Variants in FAAH2 observed in about 807,000 individuals in gnomAD.
FAAH2 encodes fatty acid amide hydrolase 2.
Under a neutral mutation model 36.9 loss-of-function variants are expected in FAAH2, and 60 were observed. The observed-to-expected ratio is 1.63, with a 90% confidence interval of 1.32 to 2.02. The LOEUF is 2.02. Among genes scored for constraint, FAAH2 ranks in the 30% most tolerant of loss-of-function variants. FAAH2 has a pLI of 0.00. For missense variants in FAAH2, 689 were observed against 397.5 expected (o/e 1.73, Z -6.23); for synonymous variants, 214 against 143.8 (o/e 1.49, Z -3.49).
intron 5 of FAAH2, among the ~76,000 whole-genome samples, chrX:57,353,117 C>A (rs992279641): frequency 9.1e-6 from 1 of 109,421 alleles, no homozygotes; most frequent in Non-Finnish European, 1.9e-5. Context: ...TTATATGGAA[C>A]CAAAAAAGAA....
chrX:57,441,451 C>T (rs1179858526), intron 8 of FAAH2, among the ~76,000 whole-genome samples: 1 of 110,473 alleles, frequency 9.1e-6, no homozygotes, highest in Non-Finnish European at 1.9e-5. Flanking sequence ...GGTGCTATAC[C>T]CTTTATCATT....
the FAAH2 span, among the ~76,000 whole-genome samples, chrX:57,270,556 G>A: frequency 8.9e-6 from 1 of 111,872 alleles, no homozygotes; most frequent in Admixed American, 9.5e-5. Flanking sequence ...TGGCCTAATA[G>A]GAAAAACACC....
the FAAH2 span, among the ~76,000 whole-genome samples, chrX:57,276,428 G>T: frequency 2.7e-5 from 3 of 112,008 alleles, no homozygotes; most frequent in African/African-American, 9.7e-5. Flanking sequence ...AAAGCAGCGT[G>T]TAGAGGGAAA....
chrX:57,487,740 T>A (rs776476999), intron 10 of FAAH2, among the ~76,000 whole-genome samples: 1 of 112,218 alleles, frequency 8.9e-6, no homozygotes, highest in East Asian at 2.8e-4. Flanking sequence ...AATGTAAATT[T>A]GTCATAAGAC....
intron 7 of FAAH2, among the ~76,000 whole-genome samples, chrX:57,382,788 T>A (rs1015457514): frequency 2.7e-5 from 3 of 110,989 alleles, no homozygotes; most frequent in Non-Finnish European, 5.7e-5. Context: ...ACTATTCCAA[T>A]CAATAGAAAA....
intron 3 of FAAH2, among the ~76,000 whole-genome samples, chrX:57,329,491 G>A (rs1382491776): frequency 9.1e-6 from 1 of 110,274 alleles, no homozygotes; most frequent in Non-Finnish European, 1.9e-5. Flanking sequence ...GTGCTGATGT[G>A]CTTTCTGCTT....
chrX:57,143,136 C>T, the FAAH2 span, among the ~76,000 whole-genome samples: 1 of 111,164 alleles, frequency 9.0e-6, no homozygotes, highest in Admixed American at 9.6e-5. Context: ...TAAGGACTTA[C>T]AACTTTCATT....
chrX:57,320,533 G>C (rs991516596), intron 3 of FAAH2, among the ~76,000 whole-genome samples: 2 of 112,236 alleles, frequency 1.8e-5, no homozygotes, highest in African/African-American at 3.2e-5. Context: ...ATGCTGGAGA[G>C]GATGTGGAGA....
chrX:57,261,552 C>CAAAAAAAA, the FAAH2 span, among the ~76,000 whole-genome samples: 5 of 23,356 alleles, frequency 2.1e-4, no homozygotes, highest in Non-Finnish European at 2.8e-4. Flanking sequence ...GACTCTGTCT[C>CAAAAAAAA]AAAAAAAAAA....
At chrX:57,474,689 A>T (rs2057232890) in intron 10 of FAAH2, among the ~76,000 whole-genome samples, 1 of 112,417 alleles carries the variant, frequency 8.9e-6, no homozygotes, top group South Asian at 3.6e-4. Flanking sequence ...GTGTCTTTAT[A>T]GTAGAATGAT....
intron 5 of FAAH2, among the ~76,000 whole-genome samples, chrX:57,356,264 C>T (rs180968113): frequency 1.8e-5 from 2 of 109,894 alleles, no homozygotes; most frequent in South Asian, 3.9e-4. Flanking sequence ...ATCAGGGTAA[C>T]ACTGGCTTTG....
chrX:57,223,239 A>T, the FAAH2 span, among the ~76,000 whole-genome samples: 1 of 111,534 alleles, frequency 9.0e-6, no homozygotes, highest in Non-Finnish European at 1.9e-5. Flanking sequence ...TATCAGCTGG[A>T]AATAGGCTAG....
At chrX:57,278,288 T>C in the FAAH2 span, among the ~76,000 whole-genome samples, 1 of 111,704 alleles carries the variant, frequency 9.0e-6, no homozygotes, top group South Asian at 3.8e-4. Flanking sequence ...TCTACGGCCA[T>C]CTGATCTTTG....
intron 10 of FAAH2, among the ~76,000 whole-genome samples, chrX:57,487,201 A>T (rs1199662229): frequency 9.0e-6 from 1 of 111,181 alleles, no homozygotes; most frequent in Non-Finnish European, 1.9e-5. Context: ...AAACATGAGT[A>T]CATCTTCATG....
At chrX:57,165,360 A>T in the FAAH2 span, among the ~76,000 whole-genome samples, 2 of 112,735 alleles carry the variant, frequency 1.8e-5, no homozygotes, top group Non-Finnish European at 3.7e-5. Context: ...CTATGCAGCC[A>T]TAAAAAAGGA....
chrX:57,466,040 T>C (rs2057040829), intron 10 of FAAH2, among the ~76,000 whole-genome samples: 1 of 107,812 alleles, frequency 9.3e-6, no homozygotes, highest in Non-Finnish European at 1.9e-5. Flanking sequence ...TTTCCTCTTT[T>C]TTCTTGTCTT....
At chrX:57,235,680 A>G in the FAAH2 span, among the ~76,000 whole-genome samples, 1 of 111,669 alleles carries the variant, frequency 9.0e-6, no homozygotes, top group African/African-American at 3.3e-5. Context: ...TCTTAGTTTA[A>G]CTTTATTTTC....
the FAAH2 span, among the ~76,000 whole-genome samples, chrX:57,223,202 G>A: frequency 9.0e-6 from 1 of 111,630 alleles, no homozygotes; most frequent in African/African-American, 3.3e-5. Flanking sequence ...ATTTATTGCA[G>A]GGGCCACCAA....
chrX:57,341,972 C>T (rs957307284), intron 5 of FAAH2, among the ~76,000 whole-genome samples: 1 of 111,485 alleles, frequency 9.0e-6, no homozygotes, highest in Non-Finnish European at 1.9e-5. Context: ...AGACTCCCTG[C>T]ATTCAAGGAA....
Sources: allele counts gnomAD v4.1 joint callset (sites outside exome capture counted in the v4.1 genomes callset), GRCh38; gene constraint gnomAD v4.1.1; transcripts MANE v1.5; gene names NCBI Gene and HGNC (gene_info 2026-07-23, HGNC 2026-07-21).